The following ELMOD2 variants were observed in gnomAD, a reference collection of about 807,000 sequenced individuals.
ELMOD2 encodes the protein ELMO domain containing 2.
ELMOD2 carries 28 observed loss-of-function variants against 41.0 expected under a neutral mutation model. The ratio of observed to expected loss-of-function variants is 0.68; its 90% confidence interval spans 0.51 to 0.94. ELMOD2 has a LOEUF of 0.94. Ranked by LOEUF, ELMOD2 falls within the 40% of genes least tolerant of loss-of-function variation. The pLI, the probability that ELMOD2 is intolerant of heterozygous loss-of-function variation, is 0.00. For synonymous variants in ELMOD2, 106 were observed against 107.2 expected, an observed-to-expected ratio of 0.99 and a Z score of 0.07; for missense variants, 333 against 343.1, an observed-to-expected ratio of 0.97 and a Z score of 0.23.
chr4:140,547,931 G>A (rs1210586942), intron 8 of ELMOD2, among the ~76,000 whole-genome samples: 2 of 152,158 alleles, frequency 1.3e-5, no homozygotes, highest in Non-Finnish European at 1.5e-5. Flanking sequence ...GGATTCTTAT[G>A]CCAAGGATGG....
intron 5 of ELMOD2, 55 bp from the exon 6 acceptor site, chr4:140,540,113 T>C (rs1735059410): frequency 6.4e-7 from 1 of 1,569,000 alleles, no homozygotes; most frequent in Non-Finnish European, 8.7e-7. Context: ...ATTAAATTAC[T>C]AGTTACAAGC....
chr4:140,539,132 A>G (rs531259020), intron 5 of ELMOD2, among the ~76,000 whole-genome samples: 1 of 152,314 alleles, frequency 6.6e-6, no homozygotes, highest in South Asian at 2.1e-4. Context: ...TATTTTAGGT[A>G]ACAGAATACT....
intron 4 of ELMOD2, among the ~76,000 whole-genome samples, chr4:140,536,950 A>G (rs1192230631): frequency 1.3e-5 from 2 of 152,120 alleles, no homozygotes; most frequent in South Asian, 2.1e-4. Context: ...GGAGTGTTGT[A>G]GCTTGGGGAA....
rs762900314 is a variant in ELMOD2, at chr4:140,543,493, G to T, written c.643G>T (p.Ala215Ser). Residue 215 changes from alanine to serine, a missense_variant, in exon 8 of 9, where the codon GCT (alanine) becomes TCT (serine). Ala to Ser is a moderately conservative substitution (Grantham distance 99). Coordinates refer to ENST00000323570, the MANE Select transcript of ELMOD2 (RefSeq NM_153702.4). The stretch of plus-strand genomic sequence containing the variant: ...AGTTGGAATCAATCTTACAGAGATG[G>T]CTTATAGCTTACTGAAGAGTGAAGC... Reference protein sequence around the residue: ...AIVGINLTEMAYSLLKSEALK... With the variant: ...AIVGINLTEMSYSLLKSEALK... 7 of 1,605,258 alleles carry T rather than the reference G, an allele frequency of 4.4e-6. No homozygotes were observed. The South Asian group carries it at 6.7e-5, about 15-fold the overall frequency.
At position 140,525,516 on chromosome 4, in the gene ELMOD2, G is replaced by A. The variant is rs1293492010; in HGVS notation, c.88G>A (p.Glu30Lys). 1 of 1,613,808 alleles carries A rather than the reference G, an allele frequency of 6.2e-7. No homozygotes were observed. Among genetic ancestry groups the A allele is most frequent in the Non-Finnish European group, 8.5e-7 (1 of 1,179,942 alleles). ...ATTACGACAGATGACTGGGAAGTGTGAATTGCAGCGAATATTTGATACCTA... is the reference window on the plus strand; with the variant it reads ...ATTACGACAGATGACTGGGAAGTGTAAATTGCAGCGAATATTTGATACCTA... Reference protein sequence around the residue: ...WLLRQMTGKCELQRIFDTYVG... With the variant: ...WLLRQMTGKCKLQRIFDTYVG... The change falls in exon 2 of 9, where the codon GAA (glutamate) becomes AAA (lysine). Residue 30 changes from glutamate to lysine, a missense_variant. Glu to Lys is a moderately conservative substitution (Grantham distance 56). Transcript: ENST00000323570.
rs528296185 is a variant in ELMOD2 at position 140,550,559 on chromosome 4, C to T, written c.*184C>T. ...TGTTTACAATTGTTTATACACTGTT[C>T]TCCAAAGGTACCTTATCCTTCCAAA... On this transcript the variant is annotated 3_prime_UTR_variant, in exon 9 of 9. Transcript: ENST00000323570. 5.6e-6 allele frequency: 3 copies of T among 536,452 alleles called. No individual in the cohort carries two copies. The highest frequency in any genetic ancestry group is 4.2e-5 in the Admixed American group (1 of 23,782). The allele number at this position is 536,452 out of a possible 1,614,324, so 33.2% of individuals were successfully genotyped here.
At chr4:140,545,586 G>T (rs538852458) in intron 8 of ELMOD2, among the ~76,000 whole-genome samples, 1 of 152,118 alleles carries the variant, frequency 6.6e-6, no homozygotes, top group Non-Finnish European at 1.5e-5. Context: ...TAAATGGAGG[G>T]AACAGATTTC....
At chr4:140,546,355 AG>A (rs1942561395) in intron 8 of ELMOD2, among the ~76,000 whole-genome samples, 4 of 151,230 alleles carry the variant, frequency 2.6e-5, no homozygotes, top group East Asian at 3.9e-4. Flanking sequence ...GGGAGTGGGG[AG>A]GGTTAGCATT....
chr4:140,543,879 T>C (rs550750175), intron 8 of ELMOD2, among the ~76,000 whole-genome samples: 4 of 152,254 alleles, frequency 2.6e-5, no homozygotes, highest in Non-Finnish European at 5.9e-5. Context: ...AACTACAAAA[T>C]GTATTTTCCC....
rs141298773 is a variant in ELMOD2 at position 140,538,202 on chromosome 4, G to A, written c.399+661G>A. On this transcript the variant is annotated intron_variant, in intron 5 of 8. Transcript: ENST00000323570. The stretch of plus-strand genomic sequence containing the variant: ...TTTGTTTGAGGGATGAAGACTCTAA[G>A]GACTAGGGAGATGAAGCAATTTGCT... Among the ~76,000 whole-genome samples, 363 of 152,274 alleles carry A rather than the reference G, an allele frequency of 2.4e-3. 3 individuals carry two copies. The highest frequency in any genetic ancestry group is 8.3e-3 in the African/African-American group (345 of 41,568).
intron 3 of ELMOD2, 40 bp downstream of exon 3, chr4:140,527,534 G>A (rs768767561): frequency 8.0e-6 from 12 of 1,509,408 alleles, no homozygotes; most frequent in Middle Eastern, 1.8e-4. Flanking sequence ...AAAACTTAAC[G>A]TGGACATATT....
chr4:140,532,191 G>A (rs1302815378), intron 3 of ELMOD2, among the ~76,000 whole-genome samples: 1 of 143,904 alleles, frequency 6.9e-6, no homozygotes, highest in Admixed American at 7.1e-5. Flanking sequence ...TTGATACAGA[G>A]CCTTGCTCTG....
At chr4:140,525,318 GATAGATAC>G in intron 1 of ELMOD2, 94 bp from the exon 2 acceptor site, 1 of 1,238,142 alleles carries the variant, frequency 8.1e-7, no homozygotes, top group Non-Finnish European at 1.1e-6. Context: ...ACAATGAAAT[GATAGATAC>G]ATAATTTGAG....
chr4:140,532,876 C>G (rs1734795780), intron 3 of ELMOD2, among the ~76,000 whole-genome samples: 1 of 152,138 alleles, frequency 6.6e-6, no homozygotes, highest in South Asian at 2.1e-4. Context: ...CCTAAGAAAT[C>G]TACAAAAACT....
chr4:140,538,932 T>C (rs560413117), intron 5 of ELMOD2, among the ~76,000 whole-genome samples: 1 of 152,342 alleles, frequency 6.6e-6, no homozygotes, highest in East Asian at 1.9e-4. Flanking sequence ...ACACTGTGGC[T>C]CTCACCACAT....
At chr4:140,543,625 A>G (rs773028539) in intron 8 of ELMOD2, 39 bp downstream of exon 8, 6 of 1,479,416 alleles carry the variant, frequency 4.1e-6, no homozygotes, top group South Asian at 1.3e-5. Context: ...TCTTTCTAAG[A>G]TAATTCTTAA....
At position 140,542,780 on chromosome 4, in the gene ELMOD2, A is replaced by G. The variant is rs1735151204; in HGVS notation, c.602+138A>G. The G allele has an allele frequency of 5.0e-6, 3 of 604,658 alleles. No individual in the cohort carries two copies. The African/African-American group carries it at 5.7e-5, about 12-fold the overall frequency. The allele number at this position is 604,658 out of a possible 1,614,324, so 37.5% of individuals were successfully genotyped here. A position where few individuals can be genotyped will look rare whatever the true frequency, so the allele number is the denominator to read the frequency against. On this transcript the variant is annotated intron_variant, in intron 7 of 8. Transcript: ENST00000323570. ...AACTTTTTAAAGGATATTACATGAT[A>G]CATTATTTTTAAGGAAAAATGTGAT...
At chr4:140,547,670 A>G (rs1012519497) in intron 8 of ELMOD2, among the ~76,000 whole-genome samples, 1 of 152,190 alleles carries the variant, frequency 6.6e-6, no homozygotes, top group Non-Finnish European at 1.5e-5. Context: ...TAAATTGGGT[A>G]GCCATCATCA....
At chr4:140,532,415 T>C (rs1408425268) in intron 3 of ELMOD2, among the ~76,000 whole-genome samples, 1 of 152,116 alleles carries the variant, frequency 6.6e-6, no homozygotes, top group Admixed American at 6.6e-5. Flanking sequence ...GATCCACCCA[T>C]CTCTGCCTCT....
Sources: allele counts gnomAD v4.1 joint callset (sites outside exome capture counted in the v4.1 genomes callset), GRCh38; gene constraint gnomAD v4.1.1; transcripts MANE v1.5; gene names NCBI Gene and HGNC (gene_info 2026-07-23, HGNC 2026-07-21).